The following CRACR2A variants were observed in gnomAD, a reference collection of about 807,000 sequenced individuals.
CRACR2A encodes the protein EF-hand calcium-binding domain-containing protein 4B.
Under a neutral mutation model 90.5 loss-of-function variants are expected in CRACR2A, and 79 were observed. The observed-to-expected ratio is 0.87, with a 90% CI of 0.73 to 1.05. CRACR2A has a LOEUF of 1.05. CRACR2A is among the 50% of genes least tolerant of loss of function. The pLI, the probability that CRACR2A is intolerant of heterozygous loss-of-function variation, is 0.00. For synonymous variants in CRACR2A, 338 were observed against 356.7 expected (o/e 0.95, Z 0.59); for missense variants, 823 against 897.2 (o/e 0.92, Z 1.06).
intron 17 of CRACR2A, among the ~76,000 whole-genome samples, chr12:3,622,023 G>C (rs979628134): frequency 6.6e-6 from 1 of 152,112 alleles, no homozygotes; most frequent in Non-Finnish European, 1.5e-5. Flanking sequence ...GGTGTCTCAT[G>C]GTCCTCTCTG....
At chr12:3,703,758 G>C (rs866771558) in intron 3 of CRACR2A, among the ~76,000 whole-genome samples, 1 of 152,134 alleles carries the variant, frequency 6.6e-6, no homozygotes, top group African/African-American at 2.4e-5. Context: ...TTTAAAATGG[G>C]CAAAACATTT....
Position 3,666,377 on chromosome 12 carries a change from G to A in CRACR2A, c.672-6723C>T, listed in dbSNP as rs569343863. On this transcript the variant is annotated intron_variant, in intron 7 of 19. Transcript: ENST00000440314. ...TGTGCGTGCGTGTGCGCGTGCGCGC[G>A]CACGCGCGCACACGCTCATGTGTAC... 2.2e-4 allele frequency among the ~76,000 whole-genome samples: 33 copies of A among 151,996 alleles called. No individual in the cohort carries two copies. In the East Asian group the frequency reaches 2.9e-3, roughly 13 times the overall value.
intron 7 of CRACR2A, among the ~76,000 whole-genome samples, chr12:3,660,829 AACACACACACACAC>A (rs58293233): frequency 0.047 from 5,647 of 119,664 alleles, 186 homozygotes; most frequent in Middle Eastern, 0.098. Context: ...CTGAACATGC[AACACACACACACAC>A]ACACACACAC....
chr12:3,740,886 T>C (rs1282341970), intron 1 of CRACR2A, among the ~76,000 whole-genome samples: 1 of 152,210 alleles, frequency 6.6e-6, no homozygotes, highest in African/African-American at 2.4e-5. Flanking sequence ...TACCAGCTTG[T>C]AGTGCAGAGC....
chr12:3,752,543 ACTGT>A (rs1253368785), intron 1 of CRACR2A: 4 of 151,988 alleles, frequency 2.6e-5, no homozygotes, highest in East Asian at 1.9e-4. Context: ...TGTCTTTCTG[ACTGT>A]CTGTCTCGGT....
intron 12 of CRACR2A, among the ~76,000 whole-genome samples, chr12:3,643,897 ATATATTATATATATT>A (rs1204771952): frequency 1.8e-5 from 2 of 110,654 alleles, no homozygotes; most frequent in Non-Finnish European, 1.7e-5. Flanking sequence ...AATATATAAT[ATATATTATATATATT>A]TATATTATAT....
rs994344403 is a variant in CRACR2A, at chr12:3,615,498, C to A, written c.2112-59G>T. On this transcript the variant is annotated intron_variant, in intron 19 of 19. Transcript: ENST00000440314. Reference sequence around the variant, plus strand: ...AGAAGTTGATAGGCCCAGGGGCTGGCAACCTGGACAAGCTACCCTCAGGTT... The same window carrying A: ...AGAAGTTGATAGGCCCAGGGGCTGGAAACCTGGACAAGCTACCCTCAGGTT... 26 of 1,398,238 alleles carry A rather than the reference C, an allele frequency of 1.9e-5. No homozygotes were observed. In the Admixed American group the frequency reaches 2.6e-4, roughly 14 times the overall value. 86.6% of individuals were successfully genotyped at this position (1,398,238 alleles called of 1,614,324 possible).
At chr12:3,638,088 G>A in intron 14 of CRACR2A, 36 bp downstream of exon 14, 1 of 1,500,890 alleles carries the variant, frequency 6.7e-7, no homozygotes, top group Non-Finnish European at 8.9e-7. Context: ...GATCATAGAA[G>A]TGATGTGCAT....
chr12:3,671,615 G>T (rs894955857), intron 7 of CRACR2A, among the ~76,000 whole-genome samples: 2 of 152,042 alleles, frequency 1.3e-5, no homozygotes, highest in Non-Finnish European at 1.5e-5. Context: ...GCGGGTCCAT[G>T]GACTACACTT....
In CRACR2A at chr12:3,661,388, T is replaced by G. The variant is rs149103432; in HGVS notation, c.672-1734A>C. Among the ~76,000 whole-genome samples, 299 of 152,312 alleles carry G rather than the reference T, an allele frequency of 2.0e-3. 8 individuals are homozygous for G. The East Asian group carries it at 0.038, about 20-fold the overall frequency. ...GACCAGAAACTTGATTTTGAGTGAC[T>G]GTACAGTAACGGTCCAGGGTGGGCT... On this transcript the variant is annotated intron_variant, in intron 7 of 19. Transcript: ENST00000440314.
rs949084086 is a variant in CRACR2A, at chr12:3,723,271, G to A, written c.-118+9671C>T. Among the ~76,000 whole-genome samples, 9 of 152,104 alleles carry A rather than the reference G, an allele frequency of 5.9e-5. No individual in the cohort carries two copies. The South Asian group carries it at 1.0e-3, about 18-fold the overall frequency. ...TCTGGGTTGGAGCTATGTGTGGACC[G>A]CAACCAGCCTTAGGCCTTCTCACCA... On this transcript the variant is annotated intron_variant, in intron 2 of 19. Transcript: ENST00000440314.
intron 3 of CRACR2A, among the ~76,000 whole-genome samples, chr12:3,710,358 G>A (rs2137764595): frequency 6.6e-6 from 1 of 152,190 alleles, no homozygotes; most frequent in African/African-American, 2.4e-5. Flanking sequence ...TAGACTGGAT[G>A]GCCTATAAAC....
At chr12:3,628,125 C>G (rs1944306644) in intron 15 of CRACR2A, among the ~76,000 whole-genome samples, 1 of 145,462 alleles carries the variant, frequency 6.9e-6, no homozygotes, top group Non-Finnish European at 1.5e-5. Context: ...CTCCCTCCCT[C>G]CCTTCCTTCA....
At chr12:3,666,377 GCACGCGCGCACACGCTCA>G (rs1172624940) in intron 7 of CRACR2A, among the ~76,000 whole-genome samples, 1 of 151,880 alleles carries the variant, frequency 6.6e-6, no homozygotes, top group Non-Finnish European at 1.5e-5. Context: ...GCGTGCGCGC[GCACGCGCGCACACGCTCA>G]TGTGTACATC....
At chr12:3,639,491 C>T (rs1386207112) in intron 13 of CRACR2A, among the ~76,000 whole-genome samples, 1 of 152,030 alleles carries the variant, frequency 6.6e-6, no homozygotes, top group East Asian at 1.9e-4. Context: ...TGCAAGCATG[C>T]ACACAGACTA....
At chr12:3,644,524 G>A (rs372686981) in intron 12 of CRACR2A, 71 bp downstream of exon 12, 20 of 1,464,980 alleles carry the variant, frequency 1.4e-5, no homozygotes, top group South Asian at 1.1e-4. Context: ...GGCCAGTCTC[G>A]ACATGGATCT....
chr12:3,745,825 T>TAAAATAAAATAAAATAAAAGAAAG (rs149739964), intron 1 of CRACR2A, among the ~76,000 whole-genome samples: 4 of 100,486 alleles, frequency 4.0e-5, no homozygotes, highest in African/African-American at 4.0e-5. Flanking sequence ...TAAAATAAAA[T>TAAAATAAAATAAAATAAAAGAAAG]AAAGAAAGAA....
At chr12:3,694,307 C>G (rs1463377800) in intron 4 of CRACR2A, among the ~76,000 whole-genome samples, 1 of 152,240 alleles carries the variant, frequency 6.6e-6, no homozygotes, top group Non-Finnish European at 1.5e-5. Flanking sequence ...GGCTTCTCCA[C>G]TAGCTCCTCA....
intron 1 of CRACR2A, among the ~76,000 whole-genome samples, chr12:3,736,817 A>G (rs1048427170): frequency 2.0e-5 from 3 of 152,234 alleles, no homozygotes; most frequent in Non-Finnish European, 4.4e-5. Context: ...TGTTGTAGAC[A>G]CGTCAGACAT....
Sources: gnomAD v4.1 joint callset for allele counts (sites outside exome capture counted in the v4.1 genomes callset) on GRCh38, gnomAD v4.1.1 for gene constraint, MANE v1.5 for transcripts, NCBI Gene and HGNC (gene_info 2026-07-23, HGNC 2026-07-21) for gene names.